FBXW11: variants seen among roughly 807,000 people sequenced by gnomAD.
FBXW11 encodes the protein F-box and WD repeat domain containing 11, also known as F-box/WD repeat-containing protein 11.
In FBXW11, 19 loss-of-function variants were observed where a neutral mutation model predicts 77.6. The ratio of observed to expected loss-of-function variants is 0.24; its 90% CI spans 0.17 to 0.36. The LOEUF is 0.36. FBXW11 is among the 10% of genes least tolerant of loss of function. The pLI, the probability that FBXW11 is intolerant of heterozygous loss-of-function variation, is 1.00. For synonymous variants in FBXW11, 235 were observed against 249.4 expected (o/e 0.94, Z 0.54); for missense variants, 334 against 704.2 (o/e 0.47, Z 5.95).
chr5:171,895,975 T>C (rs1433094468), intron 6 of FBXW11, among the ~76,000 whole-genome samples: 1 of 152,192 alleles, frequency 6.6e-6, no homozygotes, highest in Non-Finnish European at 1.5e-5. Flanking sequence ...AGATGAGCCT[T>C]TGCAGAAAGC....
chr5:171,961,473 C>T (rs1763903038), intron 1 of FBXW11, among the ~76,000 whole-genome samples: 1 of 152,174 alleles, frequency 6.6e-6, no homozygotes, highest in Non-Finnish European at 1.5e-5. Context: ...AATACACCCA[C>T]CTTTTAGTAA....
chr5:172,002,696 C>CTTTTTTTTTTT (rs34300477), intron 1 of FBXW11, among the ~76,000 whole-genome samples: 42 of 97,038 alleles, frequency 4.3e-4, no homozygotes, highest in Non-Finnish European at 6.6e-4. Flanking sequence ...TTTTTCTTTT[C>CTTTTTTTTTTT]TTTTTTTTTT....
chr5:171,898,195 A>G (rs1759877553), intron 6 of FBXW11, among the ~76,000 whole-genome samples: 1 of 152,208 alleles, frequency 6.6e-6, no homozygotes, highest in Admixed American at 6.5e-5. Flanking sequence ...TTTTGGCACA[A>G]TAACTTTTAT....
intron 1 of FBXW11, among the ~76,000 whole-genome samples, chr5:171,980,984 G>A (rs2113490263): frequency 6.6e-6 from 1 of 152,250 alleles, no homozygotes; most frequent in Non-Finnish European, 1.5e-5. Context: ...GGGGCTGGCT[G>A]CTAGAGGAAC....
chr5:171,885,400 C>T (rs1343684561), intron 7 of FBXW11, among the ~76,000 whole-genome samples: 7 of 152,130 alleles, frequency 4.6e-5, no homozygotes, highest in African/African-American at 1.4e-4. Flanking sequence ...TTTTCAATTA[C>T]GGTTCAGGTT....
intron 1 of FBXW11, among the ~76,000 whole-genome samples, chr5:171,962,119 A>C (rs1211363928): frequency 6.6e-6 from 1 of 151,992 alleles, no homozygotes; most frequent in Non-Finnish European, 1.5e-5. Context: ...TTTTTTTTTA[A>C]GTGAGCAGTG....
At chr5:171,889,198 A>G (rs1759130637) in intron 7 of FBXW11, among the ~76,000 whole-genome samples, 1 of 152,234 alleles carries the variant, frequency 6.6e-6, no homozygotes. Flanking sequence ...AGCATGATCC[A>G]TAAAAGAAAA....
intron 2 of FBXW11, among the ~76,000 whole-genome samples, chr5:171,926,932 G>C (rs1184783729): frequency 6.6e-6 from 1 of 152,030 alleles, no homozygotes; most frequent in African/African-American, 2.4e-5. Context: ...AGTGGGAAAA[G>C]AATGGTCTTT....
chr5:171,906,426 A>C (rs1042767923), intron 4 of FBXW11, among the ~76,000 whole-genome samples: 1 of 152,220 alleles, frequency 6.6e-6, no homozygotes, highest in East Asian at 1.9e-4. Flanking sequence ...TTTTTTCCAT[A>C]AAACACCCAG....
At chr5:171,952,448 T>TATATATATA (rs1491271340) in intron 2 of FBXW11, among the ~76,000 whole-genome samples, 12 of 10,868 alleles carry the variant, frequency 1.1e-3, no homozygotes, top group African/African-American at 3.5e-3. Context: ...TATATATATA[T>TATATATATA]TTTTTTTTTT....
Position 171,865,620 on chromosome 5 carries a change from A to AG in FBXW11, c.*26-1520dup, listed in dbSNP as rs199562699. On this transcript the variant is annotated intron_variant, in intron 13 of 13. Coordinates refer to ENST00000517395, the MANE Select transcript of FBXW11 (RefSeq NM_001378974.1). Reference sequence around the variant, plus strand: ...AAAAAGCCTGAAAGGATCTATAAAAAGGAGTTAGTGGTAAACCACGAGCAG... The same window carrying AG: ...AAAAAGCCTGAAAGGATCTATAAAAAGGGAGTTAGTGGTAAACCACGAGCAG... Among the ~76,000 whole-genome samples, 495 of 152,364 alleles carry AG rather than the reference A, an allele frequency of 3.2e-3. 2 individuals are homozygous for AG. The highest frequency in any genetic ancestry group is 0.013 in the Admixed American group (192 of 15,308).
chr5:171,902,045 G>C (rs1760155852), intron 4 of FBXW11, among the ~76,000 whole-genome samples: 1 of 152,180 alleles, frequency 6.6e-6, no homozygotes, highest in South Asian at 2.1e-4. Flanking sequence ...TAGCACTGAT[G>C]CCGCATCAAT....
chr5:171,965,726 G>A (rs538738196), intron 1 of FBXW11, among the ~76,000 whole-genome samples: 2 of 151,988 alleles, frequency 1.3e-5, no homozygotes, highest in South Asian at 4.2e-4. Flanking sequence ...ATAATTTTAA[G>A]TGATGACTTA....
intron 2 of FBXW11, 79 bp from the exon 3 acceptor site, chr5:171,914,484 A>T: frequency 1.6e-6 from 2 of 1,259,660 alleles, no homozygotes; most frequent in Non-Finnish European, 2.2e-6. Flanking sequence ...AATTTTGAAA[A>T]CCCAAACTAG....
chr5:171,931,008 C>G (rs972620387), intron 2 of FBXW11, among the ~76,000 whole-genome samples: 4 of 151,840 alleles, frequency 2.6e-5, no homozygotes, highest in African/African-American at 9.7e-5. Flanking sequence ...CTAGAAAATC[C>G]TGATGAAGGA....
At chr5:171,985,394 G>A (rs1765379108) in intron 1 of FBXW11, among the ~76,000 whole-genome samples, 1 of 152,098 alleles carries the variant, frequency 6.6e-6, no homozygotes, top group Non-Finnish European at 1.5e-5. Flanking sequence ...GGAGGCCTGG[G>A]CAGGAAGATT....
At chr5:172,006,177 C>G (rs1766753585) in intron 1 of FBXW11, among the ~76,000 whole-genome samples, 1 of 152,164 alleles carries the variant, frequency 6.6e-6, no homozygotes, top group South Asian at 2.1e-4. Context: ...AAGTCTACAG[C>G]ATAAACGAGC....
chr5:171,913,581 GCTT>G (rs1561677273), intron 3 of FBXW11, among the ~76,000 whole-genome samples: 1 of 152,140 alleles, frequency 6.6e-6, no homozygotes, highest in East Asian at 1.9e-4. Flanking sequence ...GTTTTTCTTT[GCTT>G]CATTTCCTCT....
rs570383770 is a variant in FBXW11 at position 171,996,595 on chromosome 5, C to T, written c.45+9863G>A. On this transcript the variant is annotated intron_variant, in intron 1 of 13. Transcript: ENST00000517395. ...GGAAGATCGTGTGAGGCCAAGAGGT[C>T]AAGGCTGCAGTAAGCCATGTTTGTG... 3.9e-5 allele frequency among the ~76,000 whole-genome samples: 6 copies of T among 152,250 alleles called. No homozygotes were observed. The South Asian group carries it at 6.2e-4, about 16-fold the overall frequency.
Sources: gnomAD v4.1 joint callset for allele counts (sites outside exome capture counted in the v4.1 genomes callset) on GRCh38, gnomAD v4.1.1 for gene constraint, MANE v1.5 for transcripts, NCBI Gene and HGNC (gene_info 2026-07-23, HGNC 2026-07-21) for gene names.